Variants in CHSY3 observed in about 807,000 individuals in gnomAD.
The protein encoded by CHSY3 is chondroitin sulfate synthase 3, also known as N-acetylgalactosaminyl-proteoglycan 3-beta-glucuronosyltransferase 3.
In CHSY3, 35 loss-of-function variants were observed where a neutral mutation model predicts 67.2. That is an observed-to-expected ratio of 0.52 (90% CI 0.40 to 0.69). CHSY3 has a LOEUF of 0.69. Among genes scored for constraint, CHSY3 ranks in the 30% least tolerant of loss-of-function variants. The pLI is 0.00. For missense variants in CHSY3, 1,069 were observed against 1,138.5 expected (o/e 0.94, Z 0.88); for synonymous variants, 474 against 434.7 (o/e 1.09, Z -1.12).
At chr5:130,040,074 C>T (rs1053205273) in intron 2 of CHSY3, among the ~76,000 whole-genome samples, 1 of 152,050 alleles carries the variant, frequency 6.6e-6, no homozygotes. Flanking sequence ...TTTGAACTTT[C>T]GTCTAGGGTT....
At chr5:130,047,807 T>C (rs772738960) in intron 2 of CHSY3, among the ~76,000 whole-genome samples, 4 of 151,574 alleles carry the variant, frequency 2.6e-5, no homozygotes, top group Non-Finnish European at 4.4e-5. Flanking sequence ...ATCATTGCAT[T>C]ATGTATATGC....
intron 2 of CHSY3, among the ~76,000 whole-genome samples, chr5:130,152,376 A>G (rs1769256213): frequency 6.6e-6 from 1 of 152,218 alleles, no homozygotes; most frequent in African/African-American, 2.4e-5. Flanking sequence ...TTTCCAGAAC[A>G]CATATTGAAA....
chr5:129,907,594 C>T (rs1372072651), intron 1 of CHSY3, among the ~76,000 whole-genome samples: 1 of 152,156 alleles, frequency 6.6e-6, no homozygotes, highest in African/African-American at 2.4e-5. Flanking sequence ...ATTCAAACAT[C>T]CTCCAAAACT....
chr5:130,123,228 A>G (rs116136095), intron 2 of CHSY3, among the ~76,000 whole-genome samples: 46 of 152,350 alleles, frequency 3.0e-4, no homozygotes, highest in African/African-American at 1.1e-3. Flanking sequence ...CCAAATAGGG[A>G]GACTGTTTCA....
At position 129,949,051 on chromosome 5, in the gene CHSY3, G is replaced by GC. The variant is rs200826241; in HGVS notation, c.1086+40692dup. 9.0e-3 allele frequency among the ~76,000 whole-genome samples: 1,374 copies of GC among 152,120 alleles called. 13 individuals are homozygous for GC. Among genetic ancestry groups the GC allele is most frequent in the African/African-American group, 0.031 (1,273 of 41,442 alleles). On this transcript the variant is annotated intron_variant, in intron 2 of 2. Transcript: ENST00000305031. ...TGATTATTTCTTTTGCTGTGCAGAA[G>GC]CTTTTTAATGATAAAAGGACTAGTC...
At chr5:129,992,247 AG>A (rs1763390847) in intron 2 of CHSY3, among the ~76,000 whole-genome samples, 1 of 152,206 alleles carries the variant, frequency 6.6e-6, no homozygotes, top group African/African-American at 2.4e-5. Context: ...CAACAATAAA[AG>A]TAAGTTAAAA....
intron 2 of CHSY3, among the ~76,000 whole-genome samples, chr5:130,016,129 T>C (rs759957264): frequency 2.0e-5 from 3 of 152,214 alleles, no homozygotes; most frequent in Non-Finnish European, 4.4e-5. Context: ...GCCTGTTGTG[T>C]ACTATGGTCT....
intron 2 of CHSY3, among the ~76,000 whole-genome samples, chr5:129,938,134 C>G (rs1176450466): frequency 6.6e-6 from 1 of 152,206 alleles, no homozygotes; most frequent in African/African-American, 2.4e-5. Context: ...AAACGTGGGG[C>G]TTGTACCCTC....
intron 2 of CHSY3, among the ~76,000 whole-genome samples, chr5:130,107,292 T>C (rs1767440820): frequency 6.6e-6 from 1 of 151,336 alleles, no homozygotes; most frequent in Non-Finnish European, 1.5e-5. Flanking sequence ...TAAATTCTCC[T>C]GACCTTCTTC....
intron 2 of CHSY3, among the ~76,000 whole-genome samples, chr5:130,025,856 G>T (rs1032212937): frequency 1.3e-5 from 2 of 152,142 alleles, no homozygotes; most frequent in Non-Finnish European, 2.9e-5. Flanking sequence ...ATATGGAATT[G>T]AGGTGGGACA....
chr5:129,960,665 T>G (rs1017640078), intron 2 of CHSY3, among the ~76,000 whole-genome samples: 1 of 152,054 alleles, frequency 6.6e-6, no homozygotes, highest in East Asian at 1.9e-4. Flanking sequence ...TTGGTAAATA[T>G]GAAGCTTTGT....
intron 2 of CHSY3, among the ~76,000 whole-genome samples, chr5:130,020,808 C>A (rs1459031344): frequency 6.6e-6 from 1 of 152,022 alleles, no homozygotes; most frequent in East Asian, 1.9e-4. Flanking sequence ...TTCTCCTGTC[C>A]CCTACTCAGT....
chr5:130,111,261 C>T (rs1767583670), intron 2 of CHSY3, among the ~76,000 whole-genome samples: 1 of 150,570 alleles, frequency 6.6e-6, no homozygotes, highest in Non-Finnish European at 1.5e-5. Context: ...ATCTGCTATA[C>T]TGTGTTTTTA....
chr5:130,160,090 C>T (rs554014722), intron 2 of CHSY3, among the ~76,000 whole-genome samples: 3 of 152,116 alleles, frequency 2.0e-5, no homozygotes, highest in Non-Finnish European at 4.4e-5. Context: ...TCTGAGAAGA[C>T]GATTTCTGTC....
chr5:130,001,730 C>G, intron 2 of CHSY3: 1 of 811,138 alleles, frequency 1.2e-6, no homozygotes, highest in Non-Finnish European at 1.5e-6. Flanking sequence ...TTTTAAAGAT[C>G]TCTATGCTCA....
chr5:130,154,271 A>T (rs142525296), intron 2 of CHSY3, among the ~76,000 whole-genome samples: 1 of 152,182 alleles, frequency 6.6e-6, no homozygotes, highest in African/African-American at 2.4e-5. Flanking sequence ...GTAGACAAGA[A>T]TTTAAGGAAT....
At chr5:130,018,951 C>T (rs1339571121) in intron 2 of CHSY3, among the ~76,000 whole-genome samples, 1 of 151,986 alleles carries the variant, frequency 6.6e-6, no homozygotes, top group Non-Finnish European at 1.5e-5. Context: ...GCATGTGTGC[C>T]CGCTTCCCCT....
intron 2 of CHSY3, among the ~76,000 whole-genome samples, chr5:130,005,201 G>A (rs896867993): frequency 5.3e-5 from 8 of 152,078 alleles, no homozygotes; most frequent in Non-Finnish European, 7.4e-5. Flanking sequence ...CAGATCATGA[G>A]GTCAGGAGAT....
At chr5:130,086,503 T>A (rs1766634388) in intron 2 of CHSY3, among the ~76,000 whole-genome samples, 1 of 152,048 alleles carries the variant, frequency 6.6e-6, no homozygotes, top group Non-Finnish European at 1.5e-5. Context: ...CCTATGTGTG[T>A]CTCTGCACGT....
Sources: gnomAD v4.1 joint callset for allele counts (sites outside exome capture counted in the v4.1 genomes callset) on GRCh38, gnomAD v4.1.1 for gene constraint, MANE v1.5 for transcripts, NCBI Gene and HGNC (gene_info 2026-07-23, HGNC 2026-07-21) for gene names.